KCNN2: variants seen among roughly 807,000 people sequenced by gnomAD.
KCNN2 encodes small conductance calcium-activated potassium channel protein 2.
In KCNN2, 24 loss-of-function variants were observed where a neutral mutation model predicts 55.5. That is an observed-to-expected ratio of 0.43 (90% CI 0.31 to 0.61). The LOEUF is 0.61. KCNN2 is among the 20% of genes least tolerant of loss of function. KCNN2 has a pLI of 0.08. For synonymous variants in KCNN2, 431 were observed against 336.1 expected (o/e 1.28, Z -3.09); for missense variants, 754 against 853.6 (o/e 0.88, Z 1.45).
At chr5:114,426,347 G>A (rs1007881154) in intron 3 of KCNN2, among the ~76,000 whole-genome samples, 7 of 151,962 alleles carry the variant, frequency 4.6e-5, no homozygotes, top group Non-Finnish European at 1.0e-4. Flanking sequence ...AATCCTACTT[G>A]GTCATTTTGT....
chr5:114,202,583 A>ATT (rs201896679), intron 1 of KCNN2, among the ~76,000 whole-genome samples: 1 of 55,404 alleles, frequency 1.8e-5, no homozygotes, highest in African/African-American at 5.3e-5. Context: ...ATATATATAT[A>ATT]TATTTTTTTT....
chr5:114,068,513 GT>G (rs909779473), intron 1 of KCNN2, among the ~76,000 whole-genome samples: 2 of 152,122 alleles, frequency 1.3e-5, no homozygotes, highest in Admixed American at 1.3e-4. Context: ...AGTTTATACT[GT>G]TTCCATGGGT....
At chr5:114,469,000 C>T (rs1207990421) in intron 4 of KCNN2, among the ~76,000 whole-genome samples, 1 of 152,158 alleles carries the variant, frequency 6.6e-6, no homozygotes, top group East Asian at 1.9e-4. Flanking sequence ...ACTTCTTTTA[C>T]ATCCAAGGGC....
chr5:114,196,866 T>A (rs1419666444), intron 1 of KCNN2, among the ~76,000 whole-genome samples: 1 of 152,072 alleles, frequency 6.6e-6, no homozygotes, highest in East Asian at 1.9e-4. Context: ...CTGTATTATT[T>A]CCTTCTTTCT....
At chr5:114,366,869 G>A (rs769135167) in intron 2 of KCNN2, among the ~76,000 whole-genome samples, 1 of 152,186 alleles carries the variant, frequency 6.6e-6, no homozygotes, top group African/African-American at 2.4e-5. Context: ...CATTCATAGC[G>A]TGTCCTTGGA....
intron 5 of KCNN2, 136 bp downstream of exon 5, chr5:114,473,300 A>G (rs1193165630): frequency 1.5e-6 from 1 of 651,862 alleles, no homozygotes. Flanking sequence ...AATCACTTCC[A>G]TTTTATCACA....
At chr5:114,494,545 AAGAT>A (rs1211779592) in intron 7 of KCNN2, among the ~76,000 whole-genome samples, 1 of 152,006 alleles carries the variant, frequency 6.6e-6, no homozygotes, top group African/African-American at 2.4e-5. Context: ...ATATGAAAAA[AAGAT>A]AGGGCAAGCT....
intron 2 of KCNN2, among the ~76,000 whole-genome samples, chr5:114,396,820 C>T (rs1193896346): frequency 6.6e-6 from 1 of 152,160 alleles, no homozygotes; most frequent in Non-Finnish European, 1.5e-5. Context: ...GCTGGGGTTA[C>T]AGGCGTGAGC....
At chr5:114,110,790 C>T (rs941250471) in intron 1 of KCNN2, among the ~76,000 whole-genome samples, 2 of 152,012 alleles carry the variant, frequency 1.3e-5, no homozygotes, top group African/African-American at 4.8e-5. Context: ...TTTCTGAAAT[C>T]ATATCTACAG....
chr5:114,112,027 A>G (rs1315776861), intron 1 of KCNN2, among the ~76,000 whole-genome samples: 8 of 152,218 alleles, frequency 5.3e-5, no homozygotes, highest in Non-Finnish European at 8.8e-5. Flanking sequence ...ACACATGTGC[A>G]TGTATGTTTA....
intron 4 of KCNN2, among the ~76,000 whole-genome samples, chr5:114,465,251 A>G (rs1167389352): frequency 7.2e-5 from 11 of 152,160 alleles, no homozygotes; most frequent in Admixed American, 5.2e-4. Flanking sequence ...AGATAGTACA[A>G]ATCTTTTATT....
intron 1 of KCNN2, among the ~76,000 whole-genome samples, chr5:114,220,362 G>A (rs917793222): frequency 1.9e-4 from 29 of 151,948 alleles, no homozygotes; most frequent in African/African-American, 6.0e-4. Flanking sequence ...CTTTACCATG[G>A]TAGTGGGCAG....
rs148958307 is a variant in KCNN2 at position 114,347,336 on chromosome 5, C to T, written c.-184-13609C>T. Among the ~76,000 whole-genome samples the T allele has an allele frequency of 3.6e-3, 545 of 152,286 alleles. 4 individuals are homozygous for T. Among genetic ancestry groups the T allele is most frequent in the African/African-American group, 0.013 (523 of 41,554 alleles). The stretch of plus-strand genomic sequence containing the variant: ...AGAAATCTGGAAGACACCATTGTCA[C>T]CAAGTGATCAAAGTTAACATCACCA... On this transcript the variant is annotated intron_variant, in intron 2 of 10. Coordinates refer to the KCNN2 transcript ENST00000512097.
chr5:114,488,707 C>T (rs1021188236), intron 6 of KCNN2, among the ~76,000 whole-genome samples: 1 of 152,154 alleles, frequency 6.6e-6, no homozygotes, highest in Non-Finnish European at 1.5e-5. Flanking sequence ...CCTCAAGGCA[C>T]TCACCTCACA....
At chr5:114,209,429 A>T (rs929763256) in intron 1 of KCNN2, among the ~76,000 whole-genome samples, 2 of 152,054 alleles carry the variant, frequency 1.3e-5, no homozygotes, top group Non-Finnish European at 2.9e-5. Context: ...TTCTTTGAAA[A>T]TATTGTGAAA....
chr5:114,365,669 G>T (rs936507505), intron 2 of KCNN2, among the ~76,000 whole-genome samples: 1 of 152,188 alleles, frequency 6.6e-6, no homozygotes, highest in Non-Finnish European at 1.5e-5. Context: ...TGTGAAACGT[G>T]AATATTTCTT....
intron 2 of KCNN2, among the ~76,000 whole-genome samples, chr5:114,242,328 G>A (rs1206136575): frequency 6.6e-6 from 1 of 151,896 alleles, no homozygotes; most frequent in Non-Finnish European, 1.5e-5. Context: ...CAAAATAAAA[G>A]GTAAAATAAT....
chr5:114,477,227 A>G (rs966496406), intron 5 of KCNN2, among the ~76,000 whole-genome samples: 4 of 152,196 alleles, frequency 2.6e-5, no homozygotes, highest in African/African-American at 9.6e-5. Context: ...GAAAAAAGCA[A>G]TATGAATGTT....
chr5:114,161,630 C>G (rs1402676480), intron 1 of KCNN2, among the ~76,000 whole-genome samples: 2 of 152,242 alleles, frequency 1.3e-5, no homozygotes, highest in Non-Finnish European at 2.9e-5. Flanking sequence ...CCATCACGTT[C>G]AGGTACACCA....
Sources: gnomAD v4.1 joint callset for allele counts (sites outside exome capture counted in the v4.1 genomes callset) on GRCh38, gnomAD v4.1.1 for gene constraint, MANE v1.5 for transcripts, NCBI Gene and HGNC (gene_info 2026-07-23, HGNC 2026-07-21) for gene names.